Variants in PDGFRB observed in about 807,000 individuals in gnomAD.
PDGFRB encodes the protein platelet-derived growth factor receptor beta.
In PDGFRB, 42 loss-of-function variants were observed where a neutral mutation model predicts 120.2. The ratio of observed to expected loss-of-function variants is 0.35; its 90% CI spans 0.27 to 0.45. PDGFRB has a LOEUF of 0.45. PDGFRB is among the 20% of genes least tolerant of loss of function. The pLI, the probability that PDGFRB is intolerant of heterozygous loss-of-function variation, is 1.00. For missense variants in PDGFRB, 1,149 were observed against 1,476.3 expected (o/e 0.78, Z 3.63); for synonymous variants, 586 against 606.8 (o/e 0.97, Z 0.50).
chr5:150,130,738 T>C lies in PDGFRB; in HGVS notation c.1244-76A>G, dbSNP rs560711152. 3.0e-6 allele frequency: 4 copies of C among 1,319,536 alleles called. No homozygotes were observed. In the South Asian group the frequency reaches 5.0e-5, roughly 17 times the overall value. 81.7% of individuals were successfully genotyped at this position (1,319,536 alleles called of 1,614,324 possible). On this transcript the variant is annotated intron_variant, in intron 8 of 22. Transcript: ENST00000261799. ...CAGGACAGGTCCTCAGGGGAGGACC[T>C]GGCCCAGAGACTCTCTTGGGGGAGG... is the stretch of plus-strand genomic sequence containing the variant.
intron 1 of PDGFRB, among the ~76,000 whole-genome samples, chr5:150,147,892 A>T (rs184418798): frequency 6.6e-6 from 1 of 152,176 alleles, no homozygotes; most frequent in Admixed American, 6.5e-5. Flanking sequence ...TGGCCACATT[A>T]TTATTATTCA....
Position 150,122,005 on chromosome 5 carries a change from T to C in PDGFRB, c.2219A>G (p.Tyr740Cys). The C allele has an allele frequency of 6.2e-7, 1 of 1,613,808 alleles. No individual in the cohort carries two copies. The highest frequency in any genetic ancestry group is 8.5e-7 in the Non-Finnish European group (1 of 1,179,886). The part of the protein sequence containing the change: ...VSLTGESDGG[Y>C]MDMSKDESVD... ...CGACTCGTCCTTGCTCATGTCCATGTAGCCACCGTCGCTCTCCCCGGTCAA... is the reference window on the plus strand; with the variant it reads ...CGACTCGTCCTTGCTCATGTCCATGCAGCCACCGTCGCTCTCCCCGGTCAA... The change falls in exon 16 of 23, where the codon TAC becomes TGC. Residue 740 changes from tyrosine (Y) to cysteine (C), a missense_variant. Physicochemically the swap from Tyr to Cys is radical, Grantham distance 194. Around this residue, in one of 3 missense-constraint regions of PDGFRB, gnomAD observed 879 missense variants for 1,108.6 expected, o/e 0.79. Transcript: ENST00000261799.
At chr5:150,131,504 CT>C (rs1760465591) in intron 8 of PDGFRB, among the ~76,000 whole-genome samples, 1 of 152,226 alleles carries the variant, frequency 6.6e-6, no homozygotes, top group Admixed American at 6.5e-5. Context: ...TACCCGGCCC[CT>C]GTTTTTCCTC....
At chr5:150,146,637 T>C (rs1580820429) in intron 1 of PDGFRB, among the ~76,000 whole-genome samples, 2 of 152,238 alleles carry the variant, frequency 1.3e-5, no homozygotes, top group South Asian at 2.1e-4. Flanking sequence ...CAGCTCACTA[T>C]AGCCTCAAAC....
intron 8 of PDGFRB, among the ~76,000 whole-genome samples, chr5:150,131,571 A>G (rs1281328304): frequency 6.6e-6 from 1 of 152,058 alleles, no homozygotes; most frequent in Non-Finnish European, 1.5e-5. Context: ...TTTCCTCCCT[A>G]CTGTTAGTGT....
chr5:150,145,864 T>C (rs1286168168), intron 1 of PDGFRB, among the ~76,000 whole-genome samples: 1 of 151,886 alleles, frequency 6.6e-6, no homozygotes, highest in Non-Finnish European at 1.5e-5. Context: ...GCAACAAGAG[T>C]GAAACTCCGT....
chr5:150,147,385 G>A (rs965063477), intron 1 of PDGFRB, among the ~76,000 whole-genome samples: 1 of 152,202 alleles, frequency 6.6e-6, no homozygotes, highest in African/African-American at 2.4e-5. Flanking sequence ...TGCGGCAGGC[G>A]CAGACAAGCA....
At chr5:150,126,458 G>T (rs1204891311) in intron 11 of PDGFRB, 62 bp downstream of exon 11, 1 of 908,842 alleles carries the variant, frequency 1.1e-6, no homozygotes, top group Admixed American at 1.7e-5. Flanking sequence ...GGGCAGAGGG[G>T]TGGAATTTAT....
intron 22 of PDGFRB, among the ~76,000 whole-genome samples, chr5:150,116,175 C>G (rs902843667): frequency 1.3e-5 from 2 of 152,228 alleles, no homozygotes; most frequent in African/African-American, 4.8e-5. Flanking sequence ...GGAGCTGGAA[C>G]TTCGGAGCAG....
At chr5:150,143,138 G>T (rs1760825946) in intron 1 of PDGFRB, among the ~76,000 whole-genome samples, 1 of 152,198 alleles carries the variant, frequency 6.6e-6, no homozygotes, top group African/African-American at 2.4e-5. Context: ...GGGCGGGACA[G>T]ACAGGACAGT....
chr5:150,129,931 T>C lies in PDGFRB; in HGVS notation c.1405A>G (p.Ser469Gly). 5 of 1,614,132 alleles carry C rather than the reference T, an allele frequency of 3.1e-6. No individual in the cohort carries two copies. Among genetic ancestry groups the C allele is most frequent in the Non-Finnish European group, 4.2e-6 (5 of 1,180,036 alleles). The change falls in exon 10 of 23, where the codon AGT (serine) becomes GGT (glycine). Residue 469 changes from serine to glycine, a missense_variant. Physicochemically the swap from Ser to Gly is moderately conservative, Grantham distance 56. Around this residue, in one of 3 missense-constraint regions of PDGFRB, gnomAD observed 879 missense variants for 1,108.6 expected, o/e 0.79. Coordinates refer to ENST00000261799, the MANE Select transcript of PDGFRB (RefSeq NM_002609.4). ...TCCAGCTGGCTCTCCTCTTCGGAAC[T>C]GTTCCCCAGCAGCGTGGGCGGCAGC... Reference protein sequence around the residue: ...RELPPTLLGNSSEEESQLETN... With the variant: ...RELPPTLLGNGSEEESQLETN...
intron 21 of PDGFRB, among the ~76,000 whole-genome samples, chr5:150,118,314 G>A (rs964469949): frequency 2.6e-5 from 4 of 152,146 alleles, no homozygotes; most frequent in African/African-American, 4.8e-5. Flanking sequence ...ACTTGGACCC[G>A]TGTTGTTGGA....
intron 10 of PDGFRB, 136 bp downstream of exon 10, chr5:150,129,621 G>T: frequency 1.5e-6 from 1 of 667,156 alleles, no homozygotes. Context: ...TACACAACAG[G>T]GTTTCACAAT....
chr5:150,120,869 G>A lies in PDGFRB; in HGVS notation c.2586+19C>T, dbSNP rs780814015. ...ACAGGCACTGTGACTGCCCTGCAGGGGCCAGGGAAGGTACTCACGCTGCCT... is the reference window on the plus strand; with the variant it reads ...ACAGGCACTGTGACTGCCCTGCAGGAGCCAGGGAAGGTACTCACGCTGCCT... On this transcript the variant is annotated intron_variant, in intron 18 of 22. Coordinates refer to ENST00000261799, the MANE Select transcript of PDGFRB (RefSeq NM_002609.4). This position sits in a 1 kb window ranked among gnomAD's most constrained non-coding sequence, Gnocchi z 4.3. 13 of 1,611,498 alleles carry A rather than the reference G, an allele frequency of 8.1e-6. 1 individual carries two copies. The East Asian group carries it at 2.7e-4, about 33-fold the overall frequency.
intron 1 of PDGFRB, among the ~76,000 whole-genome samples, chr5:150,140,286 T>C (rs918385770): frequency 1.8e-4 from 27 of 152,162 alleles, no homozygotes; most frequent in African/African-American, 6.5e-4. Flanking sequence ...GGCTTGCCTG[T>C]GACAACTTCC....
intron 22 of PDGFRB, 85 bp from the exon 23 acceptor site, chr5:150,116,031 C>T: frequency 4.3e-6 from 5 of 1,172,188 alleles, no homozygotes; most frequent in Non-Finnish European, 6.0e-6. Flanking sequence ...TCGGTGTGTC[C>T]ACCCCTGCAC....
chr5:150,128,463 C>G (rs935881932), intron 10 of PDGFRB, among the ~76,000 whole-genome samples: 9 of 152,254 alleles, frequency 5.9e-5, no homozygotes, highest in African/African-American at 2.2e-4. Flanking sequence ...GGAGCCCTGC[C>G]TGCTCTAGAT....
At chr5:150,118,190 G>A (rs1362611090) in intron 21 of PDGFRB, among the ~76,000 whole-genome samples, 1 of 152,116 alleles carries the variant, frequency 6.6e-6, no homozygotes, top group Admixed American at 6.5e-5. Flanking sequence ...AAGTGGTGAT[G>A]ACCTTACTCC....
chr5:150,149,700 C>G (rs1485678835), intron 1 of PDGFRB, among the ~76,000 whole-genome samples: 1 of 152,212 alleles, frequency 6.6e-6, no homozygotes, highest in Admixed American at 6.5e-5. Flanking sequence ...ACCTTCAATG[C>G]TCTGGGCCAG....
Sources: gnomAD v4.1 joint callset for allele counts (sites outside exome capture counted in the v4.1 genomes callset) on GRCh38, gnomAD v4.1.1 for gene constraint, gnomAD v4.1.1 regional missense constraint, Gnocchi (gnomAD v3.1) non-coding constraint, MANE v1.5 for transcripts, NCBI Gene and HGNC (gene_info 2026-07-23, HGNC 2026-07-21) for gene names.